Variants in SMC3 observed in about 807,000 individuals in gnomAD.
The protein encoded by SMC3 is structural maintenance of chromosomes protein 3.
SMC3 carries 20 observed loss-of-function variants against 171.8 expected under a neutral mutation model. That is an observed-to-expected ratio of 0.12 (90% CI 0.08 to 0.17). The LOEUF is 0.17. Ranked by LOEUF, SMC3 falls within the 10% of genes least tolerant of loss-of-function variation. SMC3 has a pLI of 1.00. For missense variants in SMC3, 543 were observed against 1,420.4 expected (o/e 0.38, Z 9.93); for synonymous variants, 464 against 451.1 (o/e 1.03, Z -0.36).
intron 18 of SMC3, among the ~76,000 whole-genome samples, chr10:110,595,295 A>G (rs1046936515): frequency 3.9e-5 from 6 of 152,118 alleles, no homozygotes; most frequent in Non-Finnish European, 7.4e-5. Flanking sequence ...CTTTAAATAT[A>G]AGACAGTTCC....
At position 110,567,755 on chromosome 10, in the gene SMC3, C is replaced by G; in HGVS notation, c.-62C>G. On this transcript the variant is annotated 5_prime_UTR_variant, in exon 1 of 29. Coordinates refer to ENST00000361804, the MANE Select transcript of SMC3 (RefSeq NM_005445.4). ...GGGGTCGCGTAGGCGCCTCACCTGACCCTGCGGCCGTGCGGTTGCTGCTCC... is the reference window on the plus strand; with the variant it reads ...GGGGTCGCGTAGGCGCCTCACCTGAGCCTGCGGCCGTGCGGTTGCTGCTCC... 1 of 1,606,612 alleles carries G rather than the reference C, an allele frequency of 6.2e-7. No homozygotes were observed. Among genetic ancestry groups the G allele is most frequent in the Non-Finnish European group, 8.5e-7 (1 of 1,174,056 alleles).
At chr10:110,576,301 T>G (rs917815758) in intron 4 of SMC3, among the ~76,000 whole-genome samples, 2 of 152,220 alleles carry the variant, frequency 1.3e-5, no homozygotes, top group African/African-American at 4.8e-5. Flanking sequence ...TGAACCATCG[T>G]AAGTTGGGGA....
chr10:110,594,205 A>T (rs200408023), intron 18 of SMC3, among the ~76,000 whole-genome samples: 6 of 131,128 alleles, frequency 4.6e-5, no homozygotes, highest in East Asian at 2.4e-4. Flanking sequence ...TTTTAAATTT[A>T]TTTTTTTTTT....
intron 22 of SMC3, 48 bp from the exon 23 acceptor site, chr10:110,600,974 G>C: frequency 7.6e-7 from 1 of 1,320,336 alleles, no homozygotes; most frequent in South Asian, 1.2e-5. Context: ...AGAAAATGTT[G>C]GCAGTCATAA....
At chr10:110,579,459 A>G (rs187305967) in intron 7 of SMC3, among the ~76,000 whole-genome samples, 56 of 152,282 alleles carry the variant, frequency 3.7e-4, no homozygotes, top group African/African-American at 5.8e-4. Flanking sequence ...TCTGCTGTCA[A>G]TCTAGGCCCT....
rs1466057157 is a variant in SMC3, at chr10:110,605,572, T to G, written c.*1270T>G. Among the ~76,000 whole-genome samples the G allele has an allele frequency of 2.6e-5, 4 of 152,210 alleles. No homozygotes were observed. The highest frequency in any genetic ancestry group is 9.6e-5 in the African/African-American group (4 of 41,464). ...TAGTAATGGGACTTTAAATTGAATT[T>G]AAAAATGTGAGTTTACTTTGGGTTT... On this transcript the variant is annotated 3_prime_UTR_variant, in exon 29 of 29. Coordinates refer to ENST00000361804, the MANE Select transcript of SMC3 (RefSeq NM_005445.4).
chr10:110,602,784 C>T (rs1381828357), intron 26 of SMC3, 41 bp from the exon 27 acceptor site: 1 of 1,594,576 alleles, frequency 6.3e-7, no homozygotes, highest in Admixed American at 1.7e-5. Context: ...GGTGGTGATT[C>T]TGCCCTTTAG....
intron 4 of SMC3, among the ~76,000 whole-genome samples, chr10:110,576,653 C>G (rs187231571): frequency 1.3e-5 from 2 of 152,184 alleles, no homozygotes; most frequent in Admixed American, 1.3e-4. Flanking sequence ...TGTCTTTTCC[C>G]CTTGTTTAGT....
Position 110,605,107 on chromosome 10 carries a change from C to T in SMC3, c.*805C>T, listed in dbSNP as rs993008107. Among the ~76,000 whole-genome samples the T allele has an allele frequency of 1.2e-4, 18 of 152,214 alleles. No homozygotes were observed. The East Asian group carries it at 3.1e-3, about 26-fold the overall frequency. On this transcript the variant is annotated 3_prime_UTR_variant, in exon 29 of 29. Transcript: ENST00000361804. The stretch of plus-strand genomic sequence containing the variant: ...TAGATTGGAGCTAATACCACAGAAG[C>T]GAAGTATTCTCATTACCTCATATAA...
In SMC3 at chr10:110,583,892, CAGAA is replaced by C; in HGVS notation, c.1026_1029del (p.Lys342AsnfsTer12). ...GCTGCTTGAAAAAATAGAAGAAAAG[CAGAA>C]AGAACTGGCAGAAACAGAACCCAAA... On this transcript the variant is annotated frameshift_variant, in exon 12 of 29. Transcript: ENST00000361804. LOFTEE classifies it high-confidence loss of function. The C allele has an allele frequency of 6.2e-7, 1 of 1,612,806 alleles. No homozygotes were observed. The highest frequency in any genetic ancestry group is 1.3e-5 in the African/African-American group (1 of 74,938).
chr10:110,573,608 A>T (rs576827539), intron 2 of SMC3, 99 bp from the exon 3 acceptor site: 1 of 800,948 alleles, frequency 1.2e-6, no homozygotes, highest in East Asian at 2.6e-5. Flanking sequence ...TGTATTAGAA[A>T]ATTGGATTTT....
chr10:110,577,298 G>A lies in SMC3; in HGVS notation c.199-123G>A, dbSNP rs941604563. 8 of 729,788 alleles carry A rather than the reference G, an allele frequency of 1.1e-5. No homozygotes were observed. In the Admixed American group the frequency reaches 1.7e-4, roughly 15 times the overall value. 45.2% of individuals were successfully genotyped at this position (729,788 alleles called of 1,614,324 possible). On this transcript the variant is annotated intron_variant, in intron 4 of 28. Coordinates refer to ENST00000361804, the MANE Select transcript of SMC3 (RefSeq NM_005445.4). ...TAGATTAGTGTGTGTGTGTATATAT[G>A]AATCTAGCAGAAATTTTTCTCCATT...
In SMC3 at chr10:110,604,737, A is replaced by G. The variant is rs1861443799; in HGVS notation, c.*435A>G. 5.8e-6 allele frequency: 1 copy of G among 173,878 alleles called. No homozygotes were observed. Among genetic ancestry groups the G allele is most frequent in the Non-Finnish European group, 1.2e-5 (1 of 81,536 alleles). 10.8% of individuals were successfully genotyped at this position (173,878 alleles called of 1,614,324 possible). A position where few individuals can be genotyped will look rare whatever the true frequency, so the allele number is the denominator to read the frequency against. On this transcript the variant is annotated 3_prime_UTR_variant, in exon 29 of 29. Coordinates refer to ENST00000361804, the MANE Select transcript of SMC3 (RefSeq NM_005445.4). ...ATTTTAACTTAATCACCTCTTTAAAAGACCTGTCTCCAAATACAGTTAAAT... is the reference window on the plus strand; with the variant it reads ...ATTTTAACTTAATCACCTCTTTAAAGGACCTGTCTCCAAATACAGTTAAAT...
chr10:110,603,317 G>A (rs1236951047), intron 28 of SMC3, 27 bp downstream of exon 28: 2 of 1,330,780 alleles, frequency 1.5e-6, no homozygotes, highest in Non-Finnish European at 2.2e-6. Context: ...TTGAGTTTAA[G>A]TTTGTATTTA....
chr10:110,602,484 A>T lies in SMC3; in HGVS notation c.3116A>T (p.Asn1039Ile). 2 of 1,612,678 alleles carry T rather than the reference A, an allele frequency of 1.2e-6. No homozygotes were observed. The highest frequency in any genetic ancestry group is 1.7e-6 in the Non-Finnish European group (2 of 1,179,422). ...IQLTFKQVSKNFSEVFQKLVP... is the reference protein window; with the variant it reads ...IQLTFKQVSKIFSEVFQKLVP... ...TGCTTTTGTTTTAAGGTATCTAAGAACTTCAGTGAAGTATTCCAGAAGTTA... is the reference window on the plus strand; with the variant it reads ...TGCTTTTGTTTTAAGGTATCTAAGATCTTCAGTGAAGTATTCCAGAAGTTA... Residue 1039 changes from asparagine (N) to isoleucine (I), a missense_variant, in exon 26 of 29, where the codon AAC becomes ATC. Physicochemically the swap from Asn to Ile is moderately radical, Grantham distance 149 (BLOSUM62 -3). Around this residue, in one of 8 missense-constraint regions of SMC3, gnomAD observed 34 missense variants for 59.1 expected, o/e 0.58. Coordinates refer to ENST00000361804, the MANE Select transcript of SMC3 (RefSeq NM_005445.4).
Position 110,581,027 on chromosome 10 carries a change from A to G in SMC3, c.547+6A>G, listed in dbSNP as rs1166243518. 22 of 1,433,744 alleles carry G rather than the reference A, an allele frequency of 1.5e-5. No homozygotes were observed. Among genetic ancestry groups the G allele is most frequent in the Non-Finnish European group, 2.1e-5 (21 of 1,015,586 alleles). 88.8% of individuals were successfully genotyped at this position (1,433,744 alleles called of 1,614,324 possible). A position where few individuals can be genotyped will look rare whatever the true frequency, so the allele number is the denominator to read the frequency against. On this transcript the variant is annotated splice_donor_region_variant and intron_variant, in intron 8 of 28. Transcript: ENST00000361804. The stretch of plus-strand genomic sequence containing the variant: ...CTCCTTAATGAAAGAAACAGGTAAA[A>G]TAAATGTGATTCTGCCTTATTTTTT...
At chr10:110,595,010 A>G (rs1861274879) in intron 18 of SMC3, among the ~76,000 whole-genome samples, 1 of 148,412 alleles carries the variant, frequency 6.7e-6, no homozygotes, top group African/African-American at 2.5e-5. Context: ...TTTTTTTGAG[A>G]TGGAGTTTCG....
Position 110,604,368 on chromosome 10 carries a change from G to A in SMC3, c.*66G>A. 2 of 1,184,094 alleles carry A rather than the reference G, an allele frequency of 1.7e-6. No homozygotes were observed. Among genetic ancestry groups the A allele is most frequent in the Non-Finnish European group, 2.5e-6 (2 of 792,688 alleles). The allele number at this position is 1,184,094 out of a possible 1,614,324, so 73.3% of individuals were successfully genotyped here. ...AATATGATTCTCATACCCAGGAACTGTAAATTTAAACCTAAATATTTGGCC... is the reference window on the plus strand; with the variant it reads ...AATATGATTCTCATACCCAGGAACTATAAATTTAAACCTAAATATTTGGCC... On this transcript the variant is annotated 3_prime_UTR_variant, in exon 29 of 29. Transcript: ENST00000361804.
intron 20 of SMC3, 103 bp downstream of exon 20, chr10:110,598,393 T>C: frequency 7.6e-7 from 1 of 1,323,752 alleles, no homozygotes. Context: ...TATGTTTCAT[T>C]TTTGTTTGGA....
Sources: gnomAD v4.1 joint callset for allele counts (sites outside exome capture counted in the v4.1 genomes callset) on GRCh38, gnomAD v4.1.1 for gene constraint, gnomAD v4.1.1 regional missense constraint, MANE v1.5 for transcripts, NCBI Gene and HGNC (gene_info 2026-07-23, HGNC 2026-07-21) for gene names.